The following QPRT variants were observed in gnomAD, a reference collection of about 807,000 sequenced individuals.
The protein encoded by QPRT is nicotinate-nucleotide pyrophosphorylase [carboxylating].
Under a neutral mutation model 19.8 loss-of-function variants are expected in QPRT, and 17 were observed. The ratio of observed to expected loss-of-function variants is 0.86; its 90% CI spans 0.59 to 1.29. QPRT has a LOEUF of 1.29. QPRT is among the 50% of genes most tolerant of loss of function. The pLI is 0.00. For missense variants in QPRT, 336 were observed against 405.1 expected (o/e 0.83, Z 1.46); for synonymous variants, 178 against 191.0 (o/e 0.93, Z 0.56).
In QPRT at chr16:29,697,123, C is replaced by CA; in HGVS notation, c.678dup (p.Glu227ArgfsTer54). On this transcript the variant is annotated frameshift_variant, in exon 3 of 4. Transcript: ENST00000395384. LOFTEE classifies it high-confidence loss of function. This position sits in a 1 kb window ranked among gnomAD's most constrained non-coding sequence, Gnocchi z 4.4. ...CTTGTCCTGCTGGACAACTTCAAGC[C>CA]AGAGGTAAGGTGGGCTCTGCCTCCG... 6.2e-7 allele frequency: 1 copy of CA among 1,605,290 alleles called. No individual in the cohort carries two copies. The highest frequency in any genetic ancestry group is 8.5e-7 in the Non-Finnish European group (1 of 1,173,834).
intron 1 of QPRT, among the ~76,000 whole-genome samples, chr16:29,688,713 T>G (rs1379722777): frequency 6.6e-6 from 1 of 151,216 alleles, no homozygotes; most frequent in East Asian, 1.9e-4. Flanking sequence ...AGGGACAGGG[T>G]TTTGCCATGT....
chr16:29,692,674 C>G (rs1172002846), intron 1 of QPRT, among the ~76,000 whole-genome samples: 1 of 152,180 alleles, frequency 6.6e-6, no homozygotes, highest in Admixed American at 6.5e-5. Flanking sequence ...GATGCGGTGG[C>G]TGACGCCGAG....
At chr16:29,691,291 C>T (rs776105772) in intron 1 of QPRT, among the ~76,000 whole-genome samples, 17 of 133,126 alleles carry the variant, frequency 1.3e-4, no homozygotes, top group Admixed American at 4.5e-4. Flanking sequence ...CTGGAACCCG[C>T]GGGACGGAGG....
chr16:29,694,452 C>G (rs1325826234), intron 1 of QPRT, among the ~76,000 whole-genome samples: 1 of 152,102 alleles, frequency 6.6e-6, no homozygotes, highest in African/African-American at 2.4e-5. Flanking sequence ...GCCCAGTGAT[C>G]TCATCAAGCC....
chr16:29,681,493 CT>C (rs10680462), intron 1 of QPRT, among the ~76,000 whole-genome samples: 30 of 97,126 alleles, frequency 3.1e-4, no homozygotes, highest in African/African-American at 4.6e-4. Context: ...GATCCAGATT[CT>C]TTTTTTTTTT....
intron 1 of QPRT, among the ~76,000 whole-genome samples, chr16:29,682,831 A>G (rs1967049009): frequency 1.3e-5 from 2 of 152,250 alleles, no homozygotes; most frequent in South Asian, 4.1e-4. Flanking sequence ...ATTTGCTTTT[A>G]GTTTGTTTGA....
chr16:29,680,426 AAGG>A (rs1191409145), intron 1 of QPRT, among the ~76,000 whole-genome samples: 1 of 152,078 alleles, frequency 6.6e-6, no homozygotes, highest in Non-Finnish European at 1.5e-5. Context: ...CAATGGCAAT[AAGG>A]AGGTGATTCT....
chr16:29,696,159 C>T (rs945103201), intron 2 of QPRT: 2 of 152,266 alleles, frequency 1.3e-5, no homozygotes, highest in East Asian at 3.9e-4. Flanking sequence ...TGCTGATATT[C>T]ATCCACTTTT....
At chr16:29,685,508 T>C (rs1967134943) in intron 1 of QPRT, among the ~76,000 whole-genome samples, 1 of 152,124 alleles carries the variant, frequency 6.6e-6, no homozygotes, top group African/African-American at 2.4e-5. Flanking sequence ...GGTCCCACTA[T>C]GTTGCCCAGG....
At chr16:29,685,566 G>A (rs1202004890) in intron 1 of QPRT, among the ~76,000 whole-genome samples, 1 of 152,182 alleles carries the variant, frequency 6.6e-6, no homozygotes, top group Non-Finnish European at 1.5e-5. Context: ...TGGGATTACA[G>A]GTGACAGCCA....
At chr16:29,693,339 C>G (rs1967410038) in intron 1 of QPRT, among the ~76,000 whole-genome samples, 1 of 151,824 alleles carries the variant, frequency 6.6e-6, no homozygotes. Flanking sequence ...GTGGCACGAT[C>G]TCAGCTCACT....
intron 1 of QPRT, among the ~76,000 whole-genome samples, chr16:29,683,066 C>T (rs1237105941): frequency 6.7e-6 from 1 of 150,272 alleles, no homozygotes; most frequent in Non-Finnish European, 1.5e-5. Flanking sequence ...ACTCTGTTGC[C>T]CAGGCTGGAG....
chr16:29,689,588 G>A (rs538635242), intron 1 of QPRT, among the ~76,000 whole-genome samples: 3 of 152,158 alleles, frequency 2.0e-5, no homozygotes, highest in East Asian at 1.9e-4. Flanking sequence ...AAAGAGAAGC[G>A]AAACTAAAGG....
chr16:29,682,456 T>C (rs561097044), intron 1 of QPRT, among the ~76,000 whole-genome samples: 2 of 152,226 alleles, frequency 1.3e-5, no homozygotes, highest in Admixed American at 1.3e-4. Context: ...CACTGCAACC[T>C]CTGCCTCCCA....
chr16:29,689,078 G>A (rs1967248837), intron 1 of QPRT, among the ~76,000 whole-genome samples: 1 of 151,872 alleles, frequency 6.6e-6, no homozygotes, highest in African/African-American at 2.4e-5. Context: ...ACCGCGCCCA[G>A]CCTTTTGTTT....
At position 29,679,249 on chromosome 16, in the gene QPRT, C is replaced by T. The variant is rs1354059858; in HGVS notation, c.13+39C>T. 6 of 1,504,318 alleles carry T rather than the reference C, an allele frequency of 4.0e-6. No homozygotes were observed. In the East Asian group the frequency reaches 1.1e-4, roughly 29 times the overall value. The allele number at this position is 1,504,318 out of a possible 1,614,324, so 93.2% of individuals were successfully genotyped here. A position where few individuals can be genotyped will look rare whatever the true frequency, so the allele number is the denominator to read the frequency against. Reference sequence around the variant, plus strand: ...CTCTCTGCCATGTCCCTGCACCCATCCCCCCACTGCCTACCCCTGCCCCCA... The same window carrying T: ...CTCTCTGCCATGTCCCTGCACCCATTCCCCCACTGCCTACCCCTGCCCCCA... On this transcript the variant is annotated intron_variant, in intron 1 of 3. Coordinates refer to ENST00000395384, the MANE Select transcript of QPRT (RefSeq NM_014298.6).
At chr16:29,694,073 C>T (rs1477189489) in intron 1 of QPRT, among the ~76,000 whole-genome samples, 1 of 151,990 alleles carries the variant, frequency 6.6e-6, no homozygotes, top group Non-Finnish European at 1.5e-5. Flanking sequence ...CCCCAGCCTC[C>T]CAAAGTGTTT....
intron 1 of QPRT, among the ~76,000 whole-genome samples, chr16:29,691,077 C>T (rs1308866045): frequency 1.3e-5 from 2 of 151,596 alleles, no homozygotes; most frequent in Non-Finnish European, 2.9e-5. Flanking sequence ...AGAAAAAAAT[C>T]AGTCTGGCCA....
At position 29,696,983 on chromosome 16, in the gene QPRT, G is replaced by A. The variant is rs1182958890; in HGVS notation, c.550-13G>A. 2 of 1,590,800 alleles carry A rather than the reference G, an allele frequency of 1.3e-6. No homozygotes were observed. Among genetic ancestry groups the A allele is most frequent in the Admixed American group, 1.7e-5 (1 of 58,532 alleles). On this transcript the variant is annotated splice_polypyrimidine_tract_variant and intron_variant, in intron 2 of 3. Coordinates refer to ENST00000395384, the MANE Select transcript of QPRT (RefSeq NM_014298.6). ...GCCCAGTCCTCACCCTTGTCCTCCC[G>A]GCTGCCCAGCAGGCGGTGCGGGCGG...
Sources: allele counts gnomAD v4.1 joint callset (sites outside exome capture counted in the v4.1 genomes callset), GRCh38; gene constraint gnomAD v4.1.1; non-coding constraint Gnocchi (gnomAD v3.1); transcripts MANE v1.5; gene names NCBI Gene and HGNC (gene_info 2026-07-23, HGNC 2026-07-21).